Variants in ANKRD6 observed in about 807,000 individuals in gnomAD.
ANKRD6 encodes ankyrin repeat domain 6, also known as ankyrin repeat domain-containing protein 6.
Under a neutral mutation model 82.3 loss-of-function variants are expected in ANKRD6, and 56 were observed. The observed-to-expected ratio is 0.68, with a 90% CI of 0.55 to 0.85. The LOEUF (loss-of-function observed/expected upper bound fraction) is 0.85. Among genes scored for constraint, ANKRD6 ranks in the 40% least tolerant of loss-of-function variants. The pLI, the probability that ANKRD6 is intolerant of heterozygous loss-of-function variation, is 0.00. For missense variants in ANKRD6, 852 were observed against 907.6 expected, an observed-to-expected ratio of 0.94 and a Z score of 0.79; for synonymous variants, 347 against 352.1, an observed-to-expected ratio of 0.99 and a Z score of 0.16.
rs574537246 is a variant in ANKRD6, at chr6:89,598,170, T to A, written c.219+2156T>A. On this transcript the variant is annotated intron_variant, in intron 3 of 15. Transcript: ENST00000339746. The stretch of plus-strand genomic sequence containing the variant: ...CCAGTGGCCTGGAGTGGGATTATTA[T>A]GAATTTCAACCTGTGGAAACCAGTT... 1.1e-4 allele frequency: 104 copies of A among 985,454 alleles called. 1 individual carries two copies. The South Asian group carries it at 4.4e-3, about 42-fold the overall frequency. 61.0% of individuals were successfully genotyped at this position (985,454 alleles called of 1,614,324 possible).
intron 1 of ANKRD6, among the ~76,000 whole-genome samples, chr6:89,440,678 A>G (rs921041861): frequency 6.6e-6 from 1 of 152,126 alleles, no homozygotes; most frequent in Non-Finnish European, 1.5e-5. Flanking sequence ...AGTCCCAGCT[A>G]CTTGGGAGAG....
chr6:89,588,711 A>C (rs1253940459), intron 2 of ANKRD6, among the ~76,000 whole-genome samples: 2 of 152,112 alleles, frequency 1.3e-5, no homozygotes, highest in African/African-American at 2.4e-5. Flanking sequence ...TCTGGTCATA[A>C]GAATATCATT....
chr6:89,441,446 C>G (rs924036779), intron 1 of ANKRD6, among the ~76,000 whole-genome samples: 1 of 152,156 alleles, frequency 6.6e-6, no homozygotes, highest in African/African-American at 2.4e-5. Context: ...AGCCACTGCA[C>G]CTGGCCGAAT....
intron 7 of ANKRD6, 23 bp downstream of exon 7, chr6:89,613,913 T>G: frequency 6.2e-7 from 1 of 1,611,214 alleles, no homozygotes; most frequent in Non-Finnish European, 8.5e-7. Context: ...ATTCTCTTCA[T>G]GGCTGCCAGC....
rs562757975 is a variant in ANKRD6, at chr6:89,629,294, G to A, written c.1612+56G>A. On this transcript the variant is annotated intron_variant, in intron 15 of 15. Coordinates refer to ENST00000339746, the MANE Select transcript of ANKRD6 (RefSeq NM_001242809.2). Reference sequence around the variant, plus strand: ...AAAAGGAACACGACCAGCAGCTCTTGTACTCTCCTGCACTGAAAGGCAGTA... The same window carrying A: ...AAAAGGAACACGACCAGCAGCTCTTATACTCTCCTGCACTGAAAGGCAGTA... 4.4e-6 allele frequency: 7 copies of A among 1,607,836 alleles called. No individual in the cohort carries two copies. The African/African-American group carries it at 8.0e-5, about 18-fold the overall frequency.
chr6:89,480,618 T>G (rs1776671881), intron 1 of ANKRD6, among the ~76,000 whole-genome samples: 1 of 151,236 alleles, frequency 6.6e-6, no homozygotes, highest in Non-Finnish European at 1.5e-5. Context: ...TAATTACTTT[T>G]TAAAAATTTT....
In ANKRD6 at chr6:89,480,362, G is replaced by A. The variant is rs115727541; in HGVS notation, c.-144+46987G>A. 6.1e-3 allele frequency among the ~76,000 whole-genome samples: 928 copies of A among 152,254 alleles called. 19 individuals carry two copies. The highest frequency in any genetic ancestry group is 0.021 in the African/African-American group (874 of 41,540). ...AGTTATGGTGACACATGGGAATAGG[G>A]GCGCATGAAGGAGCCAGGTCAGGAA... On this transcript the variant is annotated intron_variant, in intron 1 of 15. Transcript: ENST00000339746.
At chr6:89,523,455 C>CT (rs1782113029) in intron 1 of ANKRD6, among the ~76,000 whole-genome samples, 1 of 152,188 alleles carries the variant, frequency 6.6e-6, no homozygotes, top group Non-Finnish European at 1.5e-5. Context: ...GAGCAGTGAA[C>CT]TTTTTCTAAG....
chr6:89,528,385 C>T (rs969560334), intron 1 of ANKRD6, among the ~76,000 whole-genome samples: 3 of 152,222 alleles, frequency 2.0e-5, no homozygotes, highest in African/African-American at 4.8e-5. Context: ...TTTGCTCATC[C>T]GTAAGAAGGA....
chr6:89,618,235 G>A (rs747138389), intron 9 of ANKRD6: 92 of 699,936 alleles, frequency 1.3e-4, no homozygotes, highest in Non-Finnish European at 1.9e-4. Flanking sequence ...TGCCTGGGCC[G>A]CCTCATCTTC....
chr6:89,477,254 T>G (rs6899996), intron 1 of ANKRD6, among the ~76,000 whole-genome samples: 8,475 of 152,016 alleles, frequency 0.056, 261 homozygotes, highest in South Asian at 0.13. Flanking sequence ...GGTGAAAGGT[T>G]TTTTTTCTTC....
chr6:89,489,598 C>T (rs1777786378), intron 1 of ANKRD6, among the ~76,000 whole-genome samples: 2 of 152,298 alleles, frequency 1.3e-5, no homozygotes, highest in South Asian at 4.1e-4. Context: ...AACATAAAAA[C>T]ATCATTGGAA....
intron 9 of ANKRD6, 82 bp downstream of exon 9, chr6:89,618,113 C>A: frequency 7.0e-7 from 1 of 1,419,620 alleles, no homozygotes; most frequent in Non-Finnish European, 1.0e-6. Flanking sequence ...TCTACTGAAG[C>A]CTCTTCAAAC....
chr6:89,475,576 C>T (rs1391238723), intron 1 of ANKRD6, among the ~76,000 whole-genome samples: 1 of 152,156 alleles, frequency 6.6e-6, no homozygotes, highest in Non-Finnish European at 1.5e-5. Context: ...ATCATAACTG[C>T]ATAGGTTTTT....
At position 89,625,364 on chromosome 6, in the gene ANKRD6, C is replaced by A. The variant is rs188313300; in HGVS notation, c.1371+673C>A. 1.5e-3 allele frequency among the ~76,000 whole-genome samples: 221 copies of A among 151,942 alleles called. 1 individual carries two copies. The highest frequency in any genetic ancestry group is 5.3e-3 in the African/African-American group (218 of 41,468). On this transcript the variant is annotated intron_variant, in intron 13 of 15. Coordinates refer to ENST00000339746, the MANE Select transcript of ANKRD6 (RefSeq NM_001242809.2). The stretch of plus-strand genomic sequence containing the variant: ...TTATATGTCAATTTTTGCTACACTC[C>A]TTTCCCATTGCATACAAAATTAGAA...
chr6:89,484,607 C>G (rs1307671175), intron 1 of ANKRD6, among the ~76,000 whole-genome samples: 1 of 152,248 alleles, frequency 6.6e-6, no homozygotes, highest in East Asian at 1.9e-4. Flanking sequence ...GTACAGATGC[C>G]TTTTGCAATA....
intron 1 of ANKRD6, among the ~76,000 whole-genome samples, chr6:89,439,393 G>A (rs1432345421): frequency 6.6e-6 from 1 of 152,090 alleles, no homozygotes; most frequent in East Asian, 1.9e-4. Flanking sequence ...CAAAGTATAT[G>A]TGTCAATTTT....
At chr6:89,511,994 G>C (rs187991691) in intron 1 of ANKRD6, among the ~76,000 whole-genome samples, 72 of 152,092 alleles carry the variant, frequency 4.7e-4, no homozygotes, top group African/African-American at 1.7e-3. Flanking sequence ...GCCCAGGCTG[G>C]TCTCGAACTC....
At chr6:89,573,358 T>A (rs1790369564) in intron 2 of ANKRD6, among the ~76,000 whole-genome samples, 1 of 152,252 alleles carries the variant, frequency 6.6e-6, no homozygotes, top group African/African-American at 2.4e-5. Flanking sequence ...ATGTTTCATC[T>A]ACTATCTGAT....
Sources: allele counts gnomAD v4.1 joint callset (sites outside exome capture counted in the v4.1 genomes callset), GRCh38; gene constraint gnomAD v4.1.1; transcripts MANE v1.5; gene names NCBI Gene and HGNC (gene_info 2026-07-23, HGNC 2026-07-21).